Variants in SLC25A18 observed in about 807,000 individuals in gnomAD.
The protein encoded by SLC25A18 is solute carrier family 25 member 18, also known as mitochondrial glutamate carrier 2.
SLC25A18 carries 24 observed loss-of-function variants against 31.1 expected under a neutral mutation model. That is an observed-to-expected ratio of 0.77 (90% CI 0.56 to 1.08). The LOEUF is 1.08. Ranked by LOEUF, SLC25A18 falls within the 50% of genes least tolerant of loss-of-function variation. The probability of loss-of-function intolerance (pLI) is 0.00; values close to 1 mark genes in which losing one functional copy is unlikely to be tolerated. For missense variants in SLC25A18, 371 were observed against 418.5 expected (o/e 0.89, Z 0.99); for synonymous variants, 173 against 161.9 (o/e 1.07, Z -0.52).
chr22:17,585,554 A>G (rs1395706174), intron 7 of SLC25A18, among the ~76,000 whole-genome samples: 2 of 152,034 alleles, frequency 1.3e-5, no homozygotes, highest in Non-Finnish European at 2.9e-5. Flanking sequence ...GATTTAGGAA[A>G]AGAAATACAG....
At chr22:17,578,313 A>G (rs2057285284) in intron 2 of SLC25A18, among the ~76,000 whole-genome samples, 1 of 152,216 alleles carries the variant, frequency 6.6e-6, no homozygotes, top group Non-Finnish European at 1.5e-5. Flanking sequence ...TTTGTTCACT[A>G]CTATGTCACC....
At chr22:17,580,029 T>G in intron 3 of SLC25A18, 65 bp downstream of exon 3, 1 of 1,505,254 alleles carries the variant, frequency 6.6e-7, no homozygotes, top group Non-Finnish European at 9.1e-7. Context: ...GCTGTGGTGA[T>G]AGCACATCCA....
chr22:17,587,419 A>G, intron 8 of SLC25A18, 118 bp downstream of exon 8: 1 of 1,300,240 alleles, frequency 7.7e-7, no homozygotes, highest in Non-Finnish European at 1.0e-6. Context: ...CCAGGTGAGC[A>G]AACGATTTCC....
At chr22:17,580,006 C>G (rs1441452222) in intron 3 of SLC25A18, 42 bp downstream of exon 3, 2 of 1,593,032 alleles carry the variant, frequency 1.3e-6, no homozygotes, top group South Asian at 2.3e-5. Context: ...GGCCCTGGGC[C>G]TGGCGGAGAG....
chr22:17,574,384 C>T (rs896626727), intron 2 of SLC25A18, among the ~76,000 whole-genome samples: 2 of 152,358 alleles, frequency 1.3e-5, no homozygotes, highest in East Asian at 1.9e-4. Flanking sequence ...CCAGGCTCCC[C>T]ACGTGTGGCC....
rs747427989 is a variant in SLC25A18 at position 17,578,621 on chromosome 22, TC to T, written c.-200-1122del. Among the ~76,000 whole-genome samples, 159 of 152,240 alleles carry T rather than the reference TC, an allele frequency of 1.0e-3. 2 individuals carry two copies. The highest frequency in any genetic ancestry group is 1.8e-3 in the Admixed American group (28 of 15,294). On this transcript the variant is annotated intron_variant, in intron 2 of 10. Coordinates refer to ENST00000327451, the MANE Select transcript of SLC25A18 (RefSeq NM_031481.3). ...TCCGGAGAGCTGCTCCTGACACCACTCCTCTGGGGTTAAAGCAGCCTCACTC... is the reference window on the plus strand; with the variant it reads ...TCCGGAGAGCTGCTCCTGACACCACTCTCTGGGGTTAAAGCAGCCTCACTC...
chr22:17,581,293 G>A (rs998295468), intron 4 of SLC25A18, 65 bp from the exon 5 acceptor site: 90 of 1,604,712 alleles, frequency 5.6e-5, no homozygotes, highest in East Asian at 2.5e-4. Context: ...GCCCGCGGGA[G>A]CAGGGCATGG....
intron 2 of SLC25A18, among the ~76,000 whole-genome samples, chr22:17,576,831 A>G (rs956338303): frequency 6.6e-6 from 1 of 152,188 alleles, no homozygotes; most frequent in Non-Finnish European, 1.5e-5. Context: ...TAGCTATGCT[A>G]TGGAGTGGCC....
In SLC25A18 at chr22:17,569,978, C is replaced by T. The variant is rs1034074206; in HGVS notation, c.-209C>T. ...TTCCAGAAAAGGCAGAGGTTCTTACCGAAAGCAGGTAAGTGTCTTGTCTGT... is the reference window on the plus strand; with the variant it reads ...TTCCAGAAAAGGCAGAGGTTCTTACTGAAAGCAGGTAAGTGTCTTGTCTGT... On this transcript the variant is annotated 5_prime_UTR_variant, in exon 2 of 11. An upstream open reading frame in the 5' UTR gains an earlier in-frame stop. Transcript: ENST00000327451. 67 of 985,274 alleles carry T rather than the reference C, an allele frequency of 6.8e-5. No homozygotes were observed. Among genetic ancestry groups the T allele is most frequent in the Non-Finnish European group, 7.2e-5 (60 of 829,960 alleles). The allele number at this position is 985,274 out of a possible 1,614,324, so 61.0% of individuals were successfully genotyped here.
intron 7 of SLC25A18, among the ~76,000 whole-genome samples, chr22:17,584,471 GAA>G (rs200481860): frequency 0.064 from 7,898 of 122,960 alleles, 489 homozygotes; most frequent in African/African-American, 0.19. Context: ...GAGAGAGAGA[GAA>G]AGAAAGAAAG....
chr22:17,569,784 A>C (rs1045357167), intron 1 of SLC25A18, 140 bp from the exon 2 acceptor site: 1 of 985,276 alleles, frequency 1.0e-6, no homozygotes, highest in Non-Finnish European at 1.2e-6. Flanking sequence ...CTTCAAACCC[A>C]ACCTATTTGA....
Position 17,589,629 on chromosome 22 carries a change from G to A in SLC25A18, c.770G>A (p.Gly257Asp), listed in dbSNP as rs758235343. The A allele has an allele frequency of 1.2e-6, 2 of 1,614,080 alleles. No individual in the cohort carries two copies. The highest frequency in any genetic ancestry group is 1.1e-5 in the South Asian group (1 of 91,080). Residue 257 changes from glycine to aspartate, a missense_variant, in exon 10 of 11, where the codon GGC becomes GAC. Gly to Asp is a moderately conservative substitution (Grantham distance 94, BLOSUM62 -1). Transcript: ENST00000327451. ...TRIQTLKKGL[G>D]EDMYSGITDC... ...ATCCAAACCCTCAAGAAAGGCCTGG[G>A]CGAGGACATGTACAGTGGGATCACC...
At chr22:17,588,140 A>G (rs960045620) in intron 9 of SLC25A18, 61 bp downstream of exon 9, 3 of 1,593,610 alleles carry the variant, frequency 1.9e-6, no homozygotes, top group African/African-American at 2.7e-5. Context: ...ACTTATAGAT[A>G]AAACAGCCTG....
chr22:17,580,321 C>T, intron 3 of SLC25A18: 1 of 232,488 alleles, frequency 4.3e-6, no homozygotes, highest in Non-Finnish European at 7.9e-6. Flanking sequence ...TGTTCACAGT[C>T]TGCCTCCCGC....
rs149642091 is a variant in SLC25A18 at position 17,566,571 on chromosome 22, C to T, written c.-264+2858C>T. Among the ~76,000 whole-genome samples the T allele has an allele frequency of 3.2e-3, 488 of 152,278 alleles. 3 individuals are homozygous for T. The highest frequency in any genetic ancestry group is 0.011 in the African/African-American group (470 of 41,538). ...GGGATTACAGGCATGTGCCACCATG[C>T]CCAGTTAATTTTGTATTTTTAGTAG... On this transcript the variant is annotated intron_variant, in intron 1 of 10. Coordinates refer to ENST00000327451, the MANE Select transcript of SLC25A18 (RefSeq NM_031481.3).
chr22:17,575,791 A>T (rs1601292284), intron 2 of SLC25A18, among the ~76,000 whole-genome samples: 1 of 152,158 alleles, frequency 6.6e-6, no homozygotes, highest in South Asian at 2.1e-4. Flanking sequence ...CGTGTATCAA[A>T]TTTCTTCTTC....
chr22:17,585,518 T>C (rs1466069545), intron 7 of SLC25A18: 2 of 152,122 alleles, frequency 1.3e-5, no homozygotes, highest in East Asian at 3.8e-4. Context: ...GGACTTATAA[T>C]CTAAGCAAAG....
intron 1 of SLC25A18, among the ~76,000 whole-genome samples, chr22:17,564,857 C>CAAAA (rs695292): frequency 8.9e-6 from 1 of 112,360 alleles, no homozygotes; most frequent in Non-Finnish European, 1.8e-5. Context: ...ACTCTGTCTC[C>CAAAA]AAAAAAAAAA....
In SLC25A18 at chr22:17,574,522, T is replaced by TC. The variant is rs1555946929; in HGVS notation, c.-201+4536_-201+4537insC. On this transcript the variant is annotated intron_variant, in intron 2 of 10. Transcript: ENST00000327451. ...ATGCTTCCTTATTCTTTTTTTTTTT[T>TC]ATTTTTTTTTTTGAGATGGAGTCTT... Among the ~76,000 whole-genome samples the TC allele has an allele frequency of 6.0e-5, 8 of 133,020 alleles. No individual in the cohort carries two copies. The South Asian group carries it at 9.1e-4, about 15-fold the overall frequency. The allele number at this position is 133,020 out of a possible 152,430, so 87.3% of individuals were successfully genotyped here. A position where few individuals can be genotyped will look rare whatever the true frequency, so the allele number is the denominator to read the frequency against.
Sources: gnomAD v4.1 joint callset for allele counts (sites outside exome capture counted in the v4.1 genomes callset) on GRCh38, gnomAD v4.1.1 for gene constraint, MANE v1.5 for transcripts, NCBI Gene and HGNC (gene_info 2026-07-23, HGNC 2026-07-21) for gene names.